Variants in DOCK8 observed in about 807,000 individuals in gnomAD.
DOCK8 encodes dedicator of cytokinesis 8, also known as dedicator of cytokinesis protein 8.
In DOCK8, 141 loss-of-function variants were observed where a neutral mutation model predicts 245.6. The ratio of observed to expected loss-of-function variants is 0.57; its 90% CI spans 0.50 to 0.66. The LOEUF (loss-of-function observed/expected upper bound fraction) is 0.66, where lower values mean the gene tolerates loss of function less well. Among genes scored for constraint, DOCK8 ranks in the 30% least tolerant of loss-of-function variants. The pLI is 0.00. For missense variants in DOCK8, 2,965 were observed against 2,603.4 expected (o/e 1.14, Z -3.02); for synonymous variants, 1,168 against 970.2 (o/e 1.20, Z -3.79).
At chr9:216,410 C>A (rs543480030) in intron 1 of DOCK8, among the ~76,000 whole-genome samples, 7 of 151,834 alleles carry the variant, frequency 4.6e-5, no homozygotes, top group Non-Finnish European at 1.5e-5. Context: ...GTTGCATGCA[C>A]CTGTAGCCCC....
chr9:356,854 C>T lies in DOCK8; in HGVS notation c.1680-11164C>T, dbSNP rs146529241. On this transcript the variant is annotated intron_variant, in intron 14 of 47. Coordinates refer to ENST00000432829, the MANE Select transcript of DOCK8 (RefSeq NM_203447.4). ...TGGGCATCTTACTTGAAAAAAATTT[C>T]AGTTGGTTCAACAAAGTATGGTTTA... is the stretch of plus-strand genomic sequence containing the variant. Among the ~76,000 whole-genome samples, 84 of 152,024 alleles carry T rather than the reference C, an allele frequency of 5.5e-4. 1 individual carries two copies. In the East Asian group the frequency reaches 0.016, roughly 29 times the overall value.
chr9:376,597 T>C (rs1009324101), intron 19 of DOCK8, among the ~76,000 whole-genome samples: 1 of 152,186 alleles, frequency 6.6e-6, no homozygotes, highest in African/African-American at 2.4e-5. Flanking sequence ...TTCTTTTCCC[T>C]CTGTAACTCT....
intron 14 of DOCK8, among the ~76,000 whole-genome samples, chr9:349,323 C>T (rs2052050596): frequency 6.6e-6 from 1 of 152,192 alleles, no homozygotes; most frequent in Non-Finnish European, 1.5e-5. Flanking sequence ...AAAAAATGTG[C>T]CAGTCCTGGC....
intron 2 of DOCK8, among the ~76,000 whole-genome samples, chr9:278,358 G>A (rs1247263182): frequency 6.6e-6 from 1 of 152,178 alleles, no homozygotes; most frequent in Non-Finnish European, 1.5e-5. Flanking sequence ...CTTCAGCTTC[G>A]TTTAAAGATA....
chr9:278,117 A>T (rs777517758), intron 2 of DOCK8, among the ~76,000 whole-genome samples: 1 of 152,242 alleles, frequency 6.6e-6, no homozygotes, highest in Non-Finnish European at 1.5e-5. Context: ...ATGGAAGATA[A>T]AAGGAAAGAG....
At chr9:392,884 A>G (rs925785421) in intron 24 of DOCK8, among the ~76,000 whole-genome samples, 8 of 151,808 alleles carry the variant, frequency 5.3e-5, no homozygotes, top group Non-Finnish European at 1.2e-4. Context: ...ACCCACCATC[A>G]TGTCTCTCCA....
chr9:438,642 G>C (rs2056983969), intron 39 of DOCK8, among the ~76,000 whole-genome samples: 2 of 152,190 alleles, frequency 1.3e-5, no homozygotes, highest in African/African-American at 4.8e-5. Context: ...GTCTCTGCAT[G>C]CTCTGCTAGA....
At chr9:424,472 C>A (rs2056406009) in intron 33 of DOCK8, among the ~76,000 whole-genome samples, 1 of 151,930 alleles carries the variant, frequency 6.6e-6, no homozygotes, top group South Asian at 2.1e-4. Flanking sequence ...TACAGTGGCA[C>A]AATCACAGCT....
chr9:349,220 G>A (rs2052045065), intron 14 of DOCK8, among the ~76,000 whole-genome samples: 1 of 152,164 alleles, frequency 6.6e-6, no homozygotes, highest in African/African-American at 2.4e-5. Flanking sequence ...TTAAAACCAT[G>A]GCTAATTCAT....
chr9:374,746 G>T (rs2053453083), intron 18 of DOCK8, among the ~76,000 whole-genome samples: 1 of 151,476 alleles, frequency 6.6e-6, no homozygotes, highest in South Asian at 2.1e-4. Context: ...GATTATAGGT[G>T]TGAGCCACCA....
chr9:334,402 A>C lies in DOCK8; in HGVS notation c.1285+18A>C. ...TGTGGTTGGTAAGATTTTCACCTGCAGTGGGAAAGGGAGGGCTCCCCAGTG... is the reference window on the plus strand; with the variant it reads ...TGTGGTTGGTAAGATTTTCACCTGCCGTGGGAAAGGGAGGGCTCCCCAGTG... On this transcript the variant is annotated intron_variant, in intron 11 of 47. Transcript: ENST00000432829. 6.2e-7 allele frequency: 1 copy of C among 1,610,750 alleles called. No individual in the cohort carries two copies. The highest frequency in any genetic ancestry group is 1.3e-5 in the African/African-American group (1 of 74,946).
chr9:293,941 C>G (rs1336704080), intron 4 of DOCK8, among the ~76,000 whole-genome samples: 1 of 152,222 alleles, frequency 6.6e-6, no homozygotes, highest in Non-Finnish European at 1.5e-5. Flanking sequence ...TCACTACTTA[C>G]CAGTGTCCTA....
intron 46 of DOCK8, among the ~76,000 whole-genome samples, chr9:455,136 G>T (rs1052609821): frequency 1.1e-4 from 16 of 152,160 alleles, no homozygotes; most frequent in Admixed American, 6.5e-4. Context: ...TGTTCTAGGA[G>T]GCCAGGAGAC....
At chr9:230,302 G>GTTT (rs2047082456) in intron 1 of DOCK8, among the ~76,000 whole-genome samples, 1 of 69,272 alleles carries the variant, frequency 1.4e-5, no homozygotes, top group Non-Finnish European at 2.4e-5. Context: ...CCAGTCTATC[G>GTTT]TTGGGCATTT....
intron 4 of DOCK8, among the ~76,000 whole-genome samples, chr9:298,827 C>A (rs2049393659): frequency 6.6e-6 from 1 of 151,532 alleles, no homozygotes. Flanking sequence ...GCCCAAAAGT[C>A]TCCTTGTAAA....
chr9:261,413 T>G (rs1291233459), intron 1 of DOCK8, among the ~76,000 whole-genome samples: 1 of 152,238 alleles, frequency 6.6e-6, no homozygotes, highest in Non-Finnish European at 1.5e-5. Flanking sequence ...TATTTAGATG[T>G]TTTAGAGCTA....
chr9:340,321 G>T lies in DOCK8; in HGVS notation c.1679G>T (p.Arg560Ile). The change falls in exon 14 of 48, where the codon AGA becomes ATA. Residue 560 changes from arginine (R) to isoleucine (I), a missense_variant and splice_region_variant. By Grantham distance (97) the Arg-to-Ile change is moderately conservative. Around this residue, in one of 3 missense-constraint regions of DOCK8, gnomAD observed 2,825 missense variants for 2,453.5 expected, o/e 1.15. Coordinates refer to ENST00000432829, the MANE Select transcript of DOCK8 (RefSeq NM_203447.4). Reference sequence around the variant, plus strand: ...GTATATGTCCCTCACACTGTGTACAGGTAAGAAACACAGGCTCGGGCTGGG... The same window carrying T: ...GTATATGTCCCTCACACTGTGTACATGTAAGAAACACAGGCTCGGGCTGGG... ...REVYVPHTVY[R>I]NLLYVYPQRL... The T allele has an allele frequency of 6.2e-7, 1 of 1,614,066 alleles. No homozygotes were observed. The highest frequency in any genetic ancestry group is 8.5e-7 in the Non-Finnish European group (1 of 1,179,974).
intron 47 of DOCK8, 134 bp downstream of exon 47, chr9:463,821 G>C (rs1349105744): frequency 1.9e-6 from 2 of 1,059,880 alleles, no homozygotes. Flanking sequence ...CCCACAGTCA[G>C]AGAGGCTACC....
chr9:334,416 G>A (rs748669942), intron 11 of DOCK8, 32 bp downstream of exon 11: 3 of 1,607,924 alleles, frequency 1.9e-6, no homozygotes, highest in South Asian at 1.1e-5. Context: ...GGAAAGGGAG[G>A]GCTCCCCAGT....
Sources: gnomAD v4.1 joint callset for allele counts (sites outside exome capture counted in the v4.1 genomes callset) on GRCh38, gnomAD v4.1.1 for gene constraint, gnomAD v4.1.1 regional missense constraint, MANE v1.5 for transcripts, NCBI Gene and HGNC (gene_info 2026-07-23, HGNC 2026-07-21) for gene names.